The following TENM2 variants were observed in gnomAD, a reference collection of about 807,000 sequenced individuals.
TENM2 encodes teneurin transmembrane protein 2.
TENM2 carries 52 observed loss-of-function variants against 245.2 expected under a neutral mutation model. The observed-to-expected ratio is 0.21, with a 90% CI of 0.17 to 0.27. The LOEUF is 0.27. Among genes scored for constraint, TENM2 ranks in the 10% least tolerant of loss-of-function variants. The pLI, the probability that TENM2 is intolerant of heterozygous loss-of-function variation, is 1.00. For missense variants in TENM2, 3,046 were observed against 3,666.8 expected, an observed-to-expected ratio of 0.83 and a Z score of 4.37; for synonymous variants, 1,363 against 1,438.9, an observed-to-expected ratio of 0.95 and a Z score of 1.19.
chr5:167,950,459 G>A (rs1291953955), intron 3 of TENM2, among the ~76,000 whole-genome samples: 1 of 152,016 alleles, frequency 6.6e-6, no homozygotes, highest in African/African-American at 2.4e-5. Context: ...CTGGAGAGGG[G>A]AGGGTGGGGG....
At chr5:167,562,054 C>T (rs898392851) in intron 2 of TENM2, among the ~76,000 whole-genome samples, 2 of 152,054 alleles carry the variant, frequency 1.3e-5, no homozygotes, top group African/African-American at 4.8e-5. Context: ...GGGATTCGCT[C>T]TTGGAAGGGA....
intron 7 of TENM2, among the ~76,000 whole-genome samples, chr5:168,087,690 A>G (rs945036432): frequency 2.0e-5 from 3 of 152,050 alleles, no homozygotes; most frequent in Non-Finnish European, 4.4e-5. Context: ...GTAGTTCTGA[A>G]GTCCTTACTC....
chr5:167,903,236 C>T (rs1010543493), intron 3 of TENM2, among the ~76,000 whole-genome samples: 4 of 152,056 alleles, frequency 2.6e-5, no homozygotes. Flanking sequence ...GTACACCTAC[C>T]CCAAGCCAGC....
chr5:167,760,975 G>T (rs1762627569), intron 2 of TENM2, among the ~76,000 whole-genome samples: 1 of 151,996 alleles, frequency 6.6e-6, no homozygotes, highest in Non-Finnish European at 1.5e-5. Flanking sequence ...ATGTCCTGCT[G>T]CAATGTCCAT....
At chr5:168,092,896 G>A (rs58209338) in intron 8 of TENM2, among the ~76,000 whole-genome samples, 3,746 of 152,222 alleles carry the variant, frequency 0.025, 144 homozygotes, top group African/African-American at 0.085. Flanking sequence ...GAGCATCAAC[G>A]GTATGCTAGC....
chr5:168,232,393 G>C (rs537815149), intron 25 of TENM2: 1 of 152,294 alleles, frequency 6.6e-6, no homozygotes, highest in Non-Finnish European at 1.5e-5. Context: ...GAGTGGCTGG[G>C]AGCTGAAACC....
intron 3 of TENM2, among the ~76,000 whole-genome samples, chr5:167,909,592 A>G (rs985499705): frequency 9.2e-5 from 14 of 152,180 alleles, no homozygotes; most frequent in African/African-American, 3.1e-4. Context: ...CAGCCTTAAG[A>G]TCTAATCTTT....
At chr5:167,916,594 G>T (rs578210230) in intron 3 of TENM2, among the ~76,000 whole-genome samples, 1 of 152,112 alleles carries the variant, frequency 6.6e-6, no homozygotes, top group Non-Finnish European at 1.5e-5. Flanking sequence ...GCTTTGATCT[G>T]GCCCCCCTCC....
At position 167,693,758 on chromosome 5, in the gene TENM2, A is replaced by G. The variant is rs540987055; in HGVS notation, c.503-182228A>G. ...AATTTCATACCCAGAAGCAAAACCAATATGTACATAGATCTTAATGCTGTG... is the reference window on the plus strand; with the variant it reads ...AATTTCATACCCAGAAGCAAAACCAGTATGTACATAGATCTTAATGCTGTG... On this transcript the variant is annotated intron_variant, in intron 2 of 28. Coordinates refer to ENST00000518659, the Ensembl canonical transcript of TENM2. 1.2e-3 allele frequency among the ~76,000 whole-genome samples: 176 copies of G among 152,276 alleles called. 1 individual carries two copies. The highest frequency in any genetic ancestry group is 5.0e-3 in the Admixed American group (76 of 15,302).
rs1163427295 is a variant in TENM2, at chr5:167,878,786, T to C, written c.712+2591T>C. Among the ~76,000 whole-genome samples, 3 of 152,292 alleles carry C rather than the reference T, an allele frequency of 2.0e-5. No individual in the cohort carries two copies. In the East Asian group the frequency reaches 5.8e-4, roughly 29 times the overall value. On this transcript the variant is annotated intron_variant, in intron 3 of 28. Coordinates refer to ENST00000518659, the Ensembl canonical transcript of TENM2. ...GAGTCTGATAAAAGGGGCTGAATTT[T>C]TCAGGAGGTGTCACAGCACAAACAA...
chr5:167,354,537 G>A (rs945749478), intron 1 of TENM2, among the ~76,000 whole-genome samples: 2 of 152,088 alleles, frequency 1.3e-5, no homozygotes, highest in African/African-American at 2.4e-5. Flanking sequence ...AATGGGAAAG[G>A]GGCTTTATGT....
At chr5:167,022,082 G>A in the TENM2 span, among the ~76,000 whole-genome samples, 1 of 152,220 alleles carries the variant, frequency 6.6e-6, no homozygotes, top group Admixed American at 6.5e-5. Flanking sequence ...CCATATTCAA[G>A]GGTCTTCATA....
the TENM2 span, among the ~76,000 whole-genome samples, chr5:167,126,581 A>C: frequency 6.6e-6 from 1 of 152,244 alleles, no homozygotes; most frequent in Non-Finnish European, 1.5e-5. Context: ...ACAAACAAAA[A>C]GAACTCACAT....
intron 4 of TENM2, among the ~76,000 whole-genome samples, chr5:167,987,457 A>C (rs1783332502): frequency 6.6e-6 from 1 of 151,768 alleles, no homozygotes; most frequent in Non-Finnish European, 1.5e-5. Flanking sequence ...CCTCCCAAGT[A>C]GGTGGGATTA....
intron 9 of TENM2, among the ~76,000 whole-genome samples, chr5:168,118,075 C>G (rs1332520499): frequency 6.6e-6 from 1 of 152,198 alleles, no homozygotes; most frequent in Non-Finnish European, 1.5e-5. Context: ...TATACCGTGC[C>G]CAGCACATAA....
intron 12 of TENM2, among the ~76,000 whole-genome samples, chr5:168,140,838 C>T (rs189511056): frequency 3.3e-5 from 5 of 152,264 alleles, no homozygotes; most frequent in Non-Finnish European, 7.4e-5. Flanking sequence ...TAGAATACGG[C>T]CCTCTCTCAG....
chr5:166,992,088 A>G, the TENM2 span, among the ~76,000 whole-genome samples: 1 of 150,902 alleles, frequency 6.6e-6, no homozygotes, highest in Admixed American at 6.6e-5. Flanking sequence ...TATTAAGAAG[A>G]GCATTCAATT....
At chr5:167,169,335 T>A in the TENM2 span, among the ~76,000 whole-genome samples, 6 of 152,224 alleles carry the variant, frequency 3.9e-5, no homozygotes, top group South Asian at 1.2e-3. Flanking sequence ...AACATGCAAA[T>A]AAAGTCCATG....
chr5:168,244,262 C>CA lies in TENM2; in HGVS notation c.5521-157dup, dbSNP rs1233068533. Among the ~76,000 whole-genome samples, 1 of 152,104 alleles carries CA rather than the reference C, an allele frequency of 6.6e-6. No homozygotes were observed. The stretch of plus-strand genomic sequence containing the variant: ...AAATTTTGCCATTTTCTATCTGTGC[C>CA]ATGATAAGGAGCTTAGAAAGCACTA... On this transcript the variant is annotated intron_variant, in intron 25 of 28. Transcript: ENST00000518659. This position sits in a 1 kb window ranked among gnomAD's most constrained non-coding sequence, Gnocchi z 4.9.
Sources: allele counts gnomAD v4.1 joint callset (sites outside exome capture counted in the v4.1 genomes callset), GRCh38; gene constraint gnomAD v4.1.1; non-coding constraint Gnocchi (gnomAD v3.1); transcripts MANE v1.5; gene names NCBI Gene and HGNC (gene_info 2026-07-23, HGNC 2026-07-21).